The following BBS5 variants were observed in gnomAD, a reference collection of about 807,000 sequenced individuals.
BBS5 encodes BBSome complex member BBS5.
BBS5 carries 39 observed loss-of-function variants against 50.2 expected under a neutral mutation model. The ratio of observed to expected loss-of-function variants is 0.78; its 90% CI spans 0.60 to 1.01. BBS5 has a LOEUF of 1.01. Among genes scored for constraint, BBS5 ranks in the 50% least tolerant of loss-of-function variants. BBS5 has a pLI of 0.00. For missense variants in BBS5, 356 were observed against 401.5 expected, an observed-to-expected ratio of 0.89 and a Z score of 0.97; for synonymous variants, 134 against 133.1, an observed-to-expected ratio of 1.01 and a Z score of -0.05.
At chr2:169,500,915 A>G (rs796244868) in intron 9 of BBS5, among the ~76,000 whole-genome samples, 3 of 152,014 alleles carry the variant, frequency 2.0e-5, no homozygotes, top group African/African-American at 7.3e-5. Flanking sequence ...AGCTTCTTCA[A>G]CTTGTACTTT....
In BBS5 at chr2:169,479,536, C is replaced by T. The variant is rs1399785156; in HGVS notation, c.-18C>T. ...CCTGCACGGCTGTGGAGAGATCCTG[C>T]CACGGGCCTTGTTCACCATGTCGGT... On this transcript the variant is annotated 5_prime_UTR_variant, in exon 1 of 12. Transcript: ENST00000295240. 1 of 1,613,978 alleles carries T rather than the reference C, an allele frequency of 6.2e-7. No individual in the cohort carries two copies. The highest frequency in any genetic ancestry group is 8.5e-7 in the Non-Finnish European group (1 of 1,179,946).
intron 2 of BBS5, among the ~76,000 whole-genome samples, chr2:169,483,130 A>T (rs1401074522): frequency 1.3e-5 from 2 of 152,042 alleles, no homozygotes; most frequent in African/African-American, 4.8e-5. Context: ...GGAAAGGGGG[A>T]ATCAATAACT....
At chr2:169,500,252 C>T (rs2105301996) in intron 9 of BBS5, among the ~76,000 whole-genome samples, 1 of 152,294 alleles carries the variant, frequency 6.6e-6, no homozygotes, top group South Asian at 2.1e-4. Flanking sequence ...TCAGTGATTT[C>T]CTCACTACCT....
intron 3 of BBS5, 137 bp downstream of exon 3, chr2:169,487,271 T>C: frequency 1.5e-6 from 1 of 664,778 alleles, no homozygotes; most frequent in Non-Finnish European, 2.6e-6. Context: ...GACATCATAA[T>C]GCAAACAAAA....
Position 169,503,187 on chromosome 2 carries a change from C to T in BBS5, c.900+9C>T. On this transcript the variant is annotated intron_variant, in intron 10 of 11. Coordinates refer to ENST00000295240, the MANE Select transcript of BBS5 (RefSeq NM_152384.3). ...ACACGGATGCTTTTGTGGTGAGCATCACAAAGGACAGCATTAAATTTCTTA... is the reference window on the plus strand; with the variant it reads ...ACACGGATGCTTTTGTGGTGAGCATTACAAAGGACAGCATTAAATTTCTTA... The T allele has an allele frequency of 3.1e-6, 5 of 1,593,336 alleles. No individual in the cohort carries two copies. Among genetic ancestry groups the T allele is most frequent in the Non-Finnish European group, 4.3e-6 (5 of 1,161,520 alleles).
chr2:169,495,231 G>T (rs1180061537), intron 7 of BBS5, among the ~76,000 whole-genome samples: 1 of 152,132 alleles, frequency 6.6e-6, no homozygotes, highest in East Asian at 1.9e-4. Context: ...AATCAAGGCT[G>T]GGACAATGTA....
chr2:169,505,216 C>G lies in BBS5; in HGVS notation c.*634C>G, dbSNP rs1335091834. Reference sequence around the variant, plus strand: ...GAGTGATCCGCCAGCCTCGGCCTCCCGAGGTGCCGGGATTGCAGACGGAGT... The same window carrying G: ...GAGTGATCCGCCAGCCTCGGCCTCCGGAGGTGCCGGGATTGCAGACGGAGT... On this transcript the variant is annotated 3_prime_UTR_variant, in exon 12 of 12. Transcript: ENST00000295240. The G allele has an allele frequency of 4.0e-6, 2 of 505,524 alleles. No homozygotes were observed. The highest frequency in any genetic ancestry group is 7.3e-6 in the Non-Finnish European group (2 of 275,218). The allele number at this position is 505,524 out of a possible 1,614,324, so 31.3% of individuals were successfully genotyped here. A position where few individuals can be genotyped will look rare whatever the true frequency, so the allele number is the denominator to read the frequency against.
chr2:169,479,624 A>C lies in BBS5; in HGVS notation c.59+12A>C. The C allele has an allele frequency of 6.2e-7, 1 of 1,614,082 alleles. No homozygotes were observed. Among genetic ancestry groups the C allele is most frequent in the South Asian group, 1.1e-5 (1 of 91,086 alleles). ...GACCTGTCCGCGCAGTGAGTTTCCAAGATTCCCGAGGGATCTTCAACCCTG... is the reference window on the plus strand; with the variant it reads ...GACCTGTCCGCGCAGTGAGTTTCCACGATTCCCGAGGGATCTTCAACCCTG... On this transcript the variant is annotated intron_variant, in intron 1 of 11. Transcript: ENST00000295240.
chr2:169,487,659 A>T (rs1283233777), intron 3 of BBS5, 147 bp from the exon 4 acceptor site: 4 of 540,802 alleles, frequency 7.4e-6, no homozygotes, highest in Non-Finnish European at 1.3e-5. Flanking sequence ...ATTTATAGTT[A>T]TTTCTTTAAA....
intron 7 of BBS5, among the ~76,000 whole-genome samples, chr2:169,494,263 G>A (rs1683655432): frequency 6.6e-6 from 1 of 152,098 alleles, no homozygotes; most frequent in Non-Finnish European, 1.5e-5. Flanking sequence ...CTGCTCTAAA[G>A]CTTTTAAAAG....
intron 5 of BBS5, among the ~76,000 whole-genome samples, chr2:169,492,039 T>G (rs1206902508): frequency 1.3e-5 from 2 of 151,794 alleles, no homozygotes; most frequent in African/African-American, 4.8e-5. Flanking sequence ...TCAAGTGATC[T>G]GCCCACCTCG....
In BBS5 at chr2:169,481,337, T is replaced by C. The variant is rs552022412; in HGVS notation, c.60-914T>C. Among the ~76,000 whole-genome samples, 88 of 152,284 alleles carry C rather than the reference T, an allele frequency of 5.8e-4. 1 individual carries two copies. Among genetic ancestry groups the C allele is most frequent in the Non-Finnish European group, 7.1e-4 (48 of 68,034 alleles). On this transcript the variant is annotated intron_variant, in intron 1 of 11. Coordinates refer to ENST00000295240, the MANE Select transcript of BBS5 (RefSeq NM_152384.3). ...TGTCAGGGTAGACAGGAGGAGAGTA[T>C]TCCAGAAAAGAAGAAAAGAATTTAG...
At position 169,504,881 on chromosome 2, in the gene BBS5, G is replaced by A. The variant is rs979341057; in HGVS notation, c.*299G>A. 2.0e-5 allele frequency: 32 copies of A among 1,613,340 alleles called. No individual in the cohort carries two copies. Among genetic ancestry groups the A allele is most frequent in the Non-Finnish European group, 2.5e-5 (30 of 1,179,760 alleles). On this transcript the variant is annotated 3_prime_UTR_variant, in exon 12 of 12. Transcript: ENST00000295240. ...GGCGCTCCTACAGCAGTGCCTGCACGCCCGGCTGCAAATTCGCCCAGCCAA... is the reference window on the plus strand; with the variant it reads ...GGCGCTCCTACAGCAGTGCCTGCACACCCGGCTGCAAATTCGCCCAGCCAA...
At position 169,493,754 on chromosome 2, in the gene BBS5, C is replaced by T. The variant is rs1272114286; in HGVS notation, c.536C>T (p.Thr179Ile). ...NLSSDQGNLG[T>I]FFITNVRIVW... The stretch of plus-strand genomic sequence containing the variant: ...TGTTTTTTACAGGGCAATTTAGGAA[C>T]CTTTTTTATTACCAATGTGAGAATT... The change falls in exon 7 of 12, where the codon ACC (threonine) becomes ATC (isoleucine). Residue 179 changes from threonine to isoleucine, a missense_variant. Physicochemically the swap from Thr to Ile is moderately conservative, Grantham distance 89 (BLOSUM62 -1). Coordinates refer to ENST00000295240, the MANE Select transcript of BBS5 (RefSeq NM_152384.3). 6.2e-6 allele frequency: 10 copies of T among 1,611,330 alleles called. No homozygotes were observed. Among genetic ancestry groups the T allele is most frequent in the East Asian group, 2.2e-5 (1 of 44,776 alleles).
intron 2 of BBS5, among the ~76,000 whole-genome samples, chr2:169,483,568 CA>C (rs1487260349): frequency 1.3e-5 from 2 of 152,022 alleles, no homozygotes; most frequent in African/African-American, 4.8e-5. Flanking sequence ...TCATTTTAGG[CA>C]AATGAAAACA....
At chr2:169,501,015 G>A (rs1683791605) in intron 9 of BBS5, among the ~76,000 whole-genome samples, 1 of 152,062 alleles carries the variant, frequency 6.6e-6, no homozygotes, top group African/African-American at 2.4e-5. Flanking sequence ...ATATAGTTGA[G>A]CATCCCAAAT....
chr2:169,494,706 C>G (rs1296225590), intron 7 of BBS5, among the ~76,000 whole-genome samples: 1 of 152,066 alleles, frequency 6.6e-6, no homozygotes, highest in Admixed American at 6.6e-5. Context: ...CTTCAATACA[C>G]TAAATAATTT....
chr2:169,501,322 T>G (rs533357548), intron 9 of BBS5, among the ~76,000 whole-genome samples: 1 of 152,352 alleles, frequency 6.6e-6, no homozygotes, highest in East Asian at 1.9e-4. Flanking sequence ...TTATTACTCT[T>G]CTTTGTAGAA....
At position 169,504,691 on chromosome 2, in the gene BBS5, A is replaced by G; in HGVS notation, c.*109A>G. 8.4e-7 allele frequency: 1 copy of G among 1,185,910 alleles called. No homozygotes were observed. Among genetic ancestry groups the G allele is most frequent in the Non-Finnish European group, 1.2e-6 (1 of 818,754 alleles). The allele number at this position is 1,185,910 out of a possible 1,614,324, so 73.5% of individuals were successfully genotyped here. A position where few individuals can be genotyped will look rare whatever the true frequency, so the allele number is the denominator to read the frequency against. ...TTTTATATTTACAGCTTTTATATTT[A>G]AAACTTGTAAGAGTTTTTTTAATGA... On this transcript the variant is annotated 3_prime_UTR_variant, in exon 12 of 12. Transcript: ENST00000295240.
Sources: allele counts gnomAD v4.1 joint callset (sites outside exome capture counted in the v4.1 genomes callset), GRCh38; gene constraint gnomAD v4.1.1; transcripts MANE v1.5; gene names NCBI Gene and HGNC (gene_info 2026-07-23, HGNC 2026-07-21).